POLE2: variants seen among roughly 807,000 people sequenced by gnomAD.
The protein encoded by POLE2 is DNA polymerase epsilon 2, accessory subunit.
POLE2 carries 56 observed loss-of-function variants against 79.4 expected under a neutral mutation model. The observed-to-expected ratio is 0.71, with a 90% CI of 0.57 to 0.88. The LOEUF (loss-of-function observed/expected upper bound fraction) is 0.88. POLE2 is among the 40% of genes least tolerant of loss of function. POLE2 has a pLI of 0.00. For synonymous variants in POLE2, 212 were observed against 214.0 expected, an observed-to-expected ratio of 0.99 and a Z score of 0.08; for missense variants, 598 against 638.9, an observed-to-expected ratio of 0.94 and a Z score of 0.69.
At chr14:49,665,187 T>A in intron 7 of POLE2, 24 bp from the exon 8 acceptor site, 1 of 1,022,824 alleles carries the variant, frequency 9.8e-7, no homozygotes, top group Non-Finnish European at 1.5e-6. Context: ...AATAAATAAA[T>A]CCACATTTAT....
At chr14:49,678,480 CAGA>C (rs1348457012) in intron 3 of POLE2, among the ~76,000 whole-genome samples, 1 of 152,046 alleles carries the variant, frequency 6.6e-6, no homozygotes, top group Non-Finnish European at 1.5e-5. Context: ...AATGTATAAA[CAGA>C]AGAATAAAGT....
chr14:49,654,996 C>A lies in POLE2; in HGVS notation c.1018+9G>T. On this transcript the variant is annotated intron_variant, in intron 12 of 18. Transcript: ENST00000216367. The stretch of plus-strand genomic sequence containing the variant: ...TAGAAACACTTCTTATTAAATAGAT[C>A]GTTAATACCTTTCAAAGCTTGAACT... 6.6e-7 allele frequency: 1 copy of A among 1,507,586 alleles called. No homozygotes were observed. The highest frequency in any genetic ancestry group is 9.0e-7 in the Non-Finnish European group (1 of 1,111,174). The allele number at this position is 1,507,586 out of a possible 1,614,324, so 93.4% of individuals were successfully genotyped here.
intron 17 of POLE2, among the ~76,000 whole-genome samples, chr14:49,647,948 T>C (rs531214862): frequency 8.5e-5 from 13 of 152,132 alleles, no homozygotes; most frequent in South Asian, 4.1e-4. Flanking sequence ...TGCTAAAAGA[T>C]GAGGTTGGAA....
intron 6 of POLE2, among the ~76,000 whole-genome samples, chr14:49,667,003 A>T (rs1049259419): frequency 1.3e-5 from 2 of 152,034 alleles, no homozygotes; most frequent in East Asian, 3.9e-4. Context: ...GATCAAGACC[A>T]TGGTGAAATC....
At chr14:49,644,366 C>G (rs1315565113) in intron 18 of POLE2, among the ~76,000 whole-genome samples, 3 of 151,054 alleles carry the variant, frequency 2.0e-5, no homozygotes, top group African/African-American at 7.3e-5. Flanking sequence ...AAAAATTAGC[C>G]AGGTATGGTG....
At chr14:49,661,759 A>T (rs1885113947) in intron 10 of POLE2, among the ~76,000 whole-genome samples, 1 of 152,194 alleles carries the variant, frequency 6.6e-6, no homozygotes, top group African/African-American at 2.4e-5. Context: ...TTTTGAAGGC[A>T]TTTTAGAGAA....
rs527251561 is a variant in POLE2 at position 49,645,043 on chromosome 14, C to CAAAAAAAAAAAAAAAAA, written c.1566-1374_1566-1373insTTTTTTTTTTTTTTTTT. Among the ~76,000 whole-genome samples the CAAAAAAAAAAAAAAAAA allele has an allele frequency of 4.7e-3, 411 of 87,680 alleles. 6 individuals carry two copies. The highest frequency in any genetic ancestry group is 6.2e-3 in the Admixed American group (45 of 7,278). The allele number at this position is 87,680 out of a possible 152,430, so 57.5% of individuals were successfully genotyped here. On this transcript the variant is annotated intron_variant, in intron 18 of 18. Coordinates refer to ENST00000216367, the MANE Select transcript of POLE2 (RefSeq NM_002692.4). ...GGCAACAGAGCAAAACTCCGTCTCA[C>CAAAAAAAAAAAAAAAAA]AAAAAAAAAAAAAAACACTGCAGTA...
intron 7 of POLE2, 69 bp from the exon 8 acceptor site, chr14:49,665,232 T>C (rs1178840758): frequency 1.4e-6 from 1 of 717,584 alleles, no homozygotes; most frequent in African/African-American, 1.8e-5. Context: ...AAAATTAAAC[T>C]ACAAGTTTGA....
intron 3 of POLE2, among the ~76,000 whole-genome samples, chr14:49,676,544 T>C (rs1449121003): frequency 6.6e-6 from 1 of 152,220 alleles, no homozygotes; most frequent in African/African-American, 2.4e-5. Context: ...CAAAAATCCT[T>C]TACCATTCAG....
intron 10 of POLE2, among the ~76,000 whole-genome samples, chr14:49,661,309 G>A (rs1316401834): frequency 6.6e-6 from 1 of 152,146 alleles, no homozygotes; most frequent in East Asian, 1.9e-4. Flanking sequence ...TGCTTAGTAC[G>A]GTGTGAGCCC....
intron 10 of POLE2, among the ~76,000 whole-genome samples, chr14:49,660,341 C>T (rs574542858): frequency 6.6e-6 from 1 of 152,160 alleles, no homozygotes; most frequent in Admixed American, 6.5e-5. Context: ...AGGATGTATC[C>T]CCGTTGTTAT....
At chr14:49,653,834 G>A in intron 15 of POLE2, 156 bp downstream of exon 15, 1 of 553,784 alleles carries the variant, frequency 1.8e-6, no homozygotes, top group African/African-American at 1.9e-5. Flanking sequence ...TTTTTGTAGA[G>A]ATGGGTTTCA....
chr14:49,665,293 C>G (rs1885401110), intron 7 of POLE2, 130 bp from the exon 8 acceptor site: 1 of 594,126 alleles, frequency 1.7e-6, no homozygotes, highest in Non-Finnish European at 3.0e-6. Flanking sequence ...GCTATTATTT[C>G]TAGTCCAGGC....
At chr14:49,657,107 T>C (rs8003436) in intron 10 of POLE2, among the ~76,000 whole-genome samples, 32,411 of 146,498 alleles carry the variant, frequency 0.22, 3,798 homozygotes, top group Admixed American at 0.3. Flanking sequence ...AGCAAGATTT[T>C]GCCTCAAAAA....
intron 10 of POLE2, 88 bp downstream of exon 10, chr14:49,663,227 T>C: frequency 3.5e-6 from 2 of 570,654 alleles, no homozygotes; most frequent in East Asian, 3.1e-5. Flanking sequence ...TGACACCTTT[T>C]AGTAACTGAG....
At chr14:49,679,566 G>T (rs1411286374) in intron 3 of POLE2, 159 bp downstream of exon 3, 1 of 535,240 alleles carries the variant, frequency 1.9e-6, no homozygotes, top group Non-Finnish European at 3.4e-6. Flanking sequence ...ATTTAATAAT[G>T]AGGTTTGCAA....
At chr14:49,662,291 A>G (rs1416091838) in intron 10 of POLE2, among the ~76,000 whole-genome samples, 1 of 152,216 alleles carries the variant, frequency 6.6e-6, no homozygotes, top group Non-Finnish European at 1.5e-5. Context: ...AGGCATACTA[A>G]AACTAAAATC....
chr14:49,674,060 G>C lies in POLE2; in HGVS notation c.417+63C>G, dbSNP rs574463254. 7.1e-6 allele frequency: 7 copies of C among 980,420 alleles called. No individual in the cohort carries two copies. The Admixed American group carries it at 1.1e-4, about 15-fold the overall frequency. 60.7% of individuals were successfully genotyped at this position (980,420 alleles called of 1,614,324 possible). A position where few individuals can be genotyped will look rare whatever the true frequency, so the allele number is the denominator to read the frequency against. On this transcript the variant is annotated intron_variant, in intron 5 of 18. Coordinates refer to ENST00000216367, the MANE Select transcript of POLE2 (RefSeq NM_002692.4). ...AATATCCCTGAGATTTCCCTAAACT[G>C]AAACAGTCTCCTTTTCTCTCATTTT...
At position 49,682,826 on chromosome 14, in the gene POLE2, T is replaced by TA. The variant is rs879436506; in HGVS notation, c.169+766dup. ...AAGTTAAAATGACTAGCCATTCTAT[T>TA]AAAAAAAAAAAATCCCTGAAGAAAT... On this transcript the variant is annotated intron_variant, in intron 2 of 18. Transcript: ENST00000216367. 4.2e-4 allele frequency among the ~76,000 whole-genome samples: 61 copies of TA among 146,442 alleles called. 1 individual carries two copies. Among genetic ancestry groups the TA allele is most frequent in the South Asian group, 3.2e-3 (15 of 4,652 alleles).
Sources: gnomAD v4.1 joint callset for allele counts (sites outside exome capture counted in the v4.1 genomes callset) on GRCh38, gnomAD v4.1.1 for gene constraint, MANE v1.5 for transcripts, NCBI Gene and HGNC (gene_info 2026-07-23, HGNC 2026-07-21) for gene names.